Variants in ZNF385D observed in about 807,000 individuals in gnomAD.
ZNF385D encodes the protein zinc finger protein 659.
Under a neutral mutation model 35.8 loss-of-function variants are expected in ZNF385D, and 15 were observed. That is an observed-to-expected ratio of 0.42 (90% CI 0.28 to 0.64). The LOEUF is 0.64. ZNF385D is among the 30% of genes least tolerant of loss of function. The pLI is 0.23. For missense variants in ZNF385D, 474 were observed against 494.6 expected, an observed-to-expected ratio of 0.96 and a Z score of 0.39; for synonymous variants, 212 against 186.8, an observed-to-expected ratio of 1.13 and a Z score of -1.10.
chr3:21,472,265 A>T (rs1703941797), intron 4 of ZNF385D, among the ~76,000 whole-genome samples: 1 of 152,180 alleles, frequency 6.6e-6, no homozygotes, highest in Admixed American at 6.6e-5. Flanking sequence ...ATTTAGAAGC[A>T]TAACAAGAAA....
chr3:22,316,206 T>C (rs1041249164), intron 2 of ZNF385D, among the ~76,000 whole-genome samples: 4 of 152,128 alleles, frequency 2.6e-5, no homozygotes, highest in African/African-American at 9.7e-5. Flanking sequence ...GCAGCACACA[T>C]TCCCTACTGC....
intron 3 of ZNF385D, among the ~76,000 whole-genome samples, chr3:21,988,737 C>G (rs1418737403): frequency 1.3e-5 from 2 of 151,812 alleles, no homozygotes; most frequent in Non-Finnish European, 2.9e-5. Flanking sequence ...CCTAAGCAAG[C>G]CTGGGCAATG....
chr3:21,878,632 A>G (rs1698108220), intron 3 of ZNF385D, among the ~76,000 whole-genome samples: 1 of 152,064 alleles, frequency 6.6e-6, no homozygotes, highest in Non-Finnish European at 1.5e-5. Context: ...CCATTGTTAT[A>G]AACAGCACTG....
chr3:22,197,144 A>T (rs918550141), intron 2 of ZNF385D, among the ~76,000 whole-genome samples: 4 of 151,882 alleles, frequency 2.6e-5, no homozygotes, highest in Admixed American at 2.6e-4. Context: ...TAAAGGTGGA[A>T]TTTTTTAAAA....
At chr3:21,491,176 C>G (rs1343525624) in intron 4 of ZNF385D, among the ~76,000 whole-genome samples, 1 of 133,606 alleles carries the variant, frequency 7.5e-6, no homozygotes, top group Non-Finnish European at 1.6e-5. Context: ...AGGGGTGGTA[C>G]AGATGTGGTG....
chr3:22,160,987 G>A (rs1285437945), intron 3 of ZNF385D, among the ~76,000 whole-genome samples: 4 of 152,000 alleles, frequency 2.6e-5, no homozygotes, highest in Non-Finnish European at 5.9e-5. Context: ...ATGCTGCTAT[G>A]AATCAAAGAA....
In ZNF385D at chr3:21,684,194, G is replaced by A. The variant is rs1270331579; in HGVS notation, c.23-19166C>T. Among the ~76,000 whole-genome samples the A allele has an allele frequency of 4.7e-5, 7 of 148,816 alleles. 1 individual carries two copies. Among genetic ancestry groups the A allele is most frequent in the Non-Finnish European group, 6.0e-5 (4 of 67,070 alleles). Reference sequence around the variant, plus strand: ...TTTCAAGCACGCTCTTTTTACTCCTGGCCCCTTTAGTTTATAAAGCGCCAT... The same window carrying A: ...TTTCAAGCACGCTCTTTTTACTCCTAGCCCCTTTAGTTTATAAAGCGCCAT... On this transcript the variant is annotated intron_variant, in intron 1 of 7. Coordinates refer to ENST00000281523, the MANE Select transcript of ZNF385D (RefSeq NM_024697.3).
chr3:21,645,432 T>C (rs776151518), intron 2 of ZNF385D, among the ~76,000 whole-genome samples: 17 of 152,160 alleles, frequency 1.1e-4, no homozygotes, highest in Non-Finnish European at 2.1e-4. Flanking sequence ...ACTCCTTTAG[T>C]CTTGAACTCT....
exon 3 of ZNF385D, chr3:22,168,952 G>T (rs1706512014): frequency 1.1e-5 from 11 of 985,780 alleles, no homozygotes; most frequent in Non-Finnish European, 1.3e-5. Flanking sequence ...AAGTTGGTAT[G>T]TTTCTTTTCT....
chr3:22,114,558 G>C (rs773442626), intron 3 of ZNF385D, among the ~76,000 whole-genome samples: 1 of 152,076 alleles, frequency 6.6e-6, no homozygotes, highest in Non-Finnish European at 1.5e-5. Flanking sequence ...ATGAAAAGAA[G>C]CCAGTGGAAG....
intron 1 of ZNF385D, among the ~76,000 whole-genome samples, chr3:21,686,295 A>G (rs1283568895): frequency 1.3e-5 from 2 of 152,146 alleles, no homozygotes; most frequent in Admixed American, 6.5e-5. Flanking sequence ...TGCTATAATT[A>G]TTTTTGGCAA....
chr3:21,636,100 T>G (rs1214896198), intron 2 of ZNF385D, among the ~76,000 whole-genome samples: 1 of 151,970 alleles, frequency 6.6e-6, no homozygotes, highest in African/African-American at 2.4e-5. Flanking sequence ...AATCAAATAG[T>G]AGTTCTACTT....
At chr3:21,887,327 G>T (rs1393656433) in intron 3 of ZNF385D, among the ~76,000 whole-genome samples, 1 of 152,016 alleles carries the variant, frequency 6.6e-6, no homozygotes, top group African/African-American at 2.4e-5. Context: ...ATTATACAAG[G>T]AAACTTAACT....
chr3:21,958,550 C>G (rs894831480), intron 3 of ZNF385D, among the ~76,000 whole-genome samples: 1 of 151,890 alleles, frequency 6.6e-6, no homozygotes, highest in South Asian at 2.1e-4. Flanking sequence ...TTGTAACTGA[C>G]AAGAAGCTAT....
intron 2 of ZNF385D, among the ~76,000 whole-genome samples, chr3:22,230,867 G>A (rs1174740338): frequency 1.3e-5 from 2 of 152,068 alleles, no homozygotes; most frequent in Non-Finnish European, 2.9e-5. Flanking sequence ...AAAAGTGTGT[G>A]GTTAAGCCAG....
intron 3 of ZNF385D, among the ~76,000 whole-genome samples, chr3:22,028,302 C>G (rs1213745955): frequency 1.3e-5 from 2 of 152,268 alleles, no homozygotes; most frequent in Non-Finnish European, 2.9e-5. Context: ...ACAACTCAGC[C>G]TCTTTCACCA....
intron 2 of ZNF385D, among the ~76,000 whole-genome samples, chr3:22,368,905 G>T (rs73144144): frequency 0.013 from 1,926 of 152,226 alleles, 39 homozygotes; most frequent in African/African-American, 0.044. Context: ...TAATTGACTA[G>T]AATGTTTTAA....
intron 2 of ZNF385D, among the ~76,000 whole-genome samples, chr3:21,629,541 A>G (rs888597668): frequency 1.3e-5 from 2 of 152,204 alleles, no homozygotes; most frequent in Non-Finnish European, 1.5e-5. Flanking sequence ...GCTGTCCATG[A>G]CAGCTTAATC....
intron 3 of ZNF385D, among the ~76,000 whole-genome samples, chr3:22,009,766 C>T (rs964644188): frequency 1.3e-5 from 2 of 151,806 alleles, no homozygotes; most frequent in African/African-American, 4.8e-5. Context: ...GGATAGTAGT[C>T]ACTTCTGGTT....
Sources: gnomAD v4.1 joint callset for allele counts (sites outside exome capture counted in the v4.1 genomes callset) on GRCh38, gnomAD v4.1.1 for gene constraint, MANE v1.5 for transcripts, NCBI Gene and HGNC (gene_info 2026-07-23, HGNC 2026-07-21) for gene names.